CXADR: variants seen among roughly 807,000 people sequenced by gnomAD.
CXADR encodes coxsackievirus and adenovirus receptor.
In CXADR, 20 loss-of-function variants were observed where a neutral mutation model predicts 40.3. That is an observed-to-expected ratio of 0.50 (90% confidence interval 0.35 to 0.72). The LOEUF (loss-of-function observed/expected upper bound fraction) is 0.72. Ranked by LOEUF, CXADR falls within the 30% of genes least tolerant of loss-of-function variation. The probability of loss-of-function intolerance (pLI) is 0.01; values close to 1 mark genes in which losing one functional copy is unlikely to be tolerated. For missense variants in CXADR, 332 were observed against 449.1 expected, an observed-to-expected ratio of 0.74 and a Z score of 2.36; for synonymous variants, 150 against 161.3, an observed-to-expected ratio of 0.93 and a Z score of 0.53.
chr21:17,604,250 G>A, the CXADR span: 1 of 412,940 alleles, frequency 2.4e-6, no homozygotes, highest in Non-Finnish European at 4.1e-6. Context: ...AGAGCAGTCT[G>A]GCCAACATGG....
downstream of CXADR, among the ~76,000 whole-genome samples, chr21:17,596,878 T>C (rs1297047647): frequency 6.6e-6 from 1 of 152,116 alleles, no homozygotes; most frequent in African/African-American, 2.4e-5. Flanking sequence ...AATAATTCTT[T>C]ATCCCCTCTC....
intron 1 of CXADR, among the ~76,000 whole-genome samples, chr21:17,536,056 T>G (rs2060751124): frequency 6.6e-6 from 1 of 152,212 alleles, no homozygotes; most frequent in Admixed American, 6.5e-5. Context: ...TTCATTTTTT[T>G]GTTAATTTCT....
chr21:17,514,502 T>C (rs936195335), intron 1 of CXADR, among the ~76,000 whole-genome samples: 67 of 152,076 alleles, frequency 4.4e-4, no homozygotes, highest in East Asian at 3.9e-4. Context: ...TTCTTTCTTT[T>C]TTTTCTTTTT....
chr21:17,571,309 A>G (rs1415906522), downstream of CXADR, among the ~76,000 whole-genome samples: 1 of 152,244 alleles, frequency 6.6e-6, no homozygotes, highest in Admixed American at 6.5e-5. Flanking sequence ...GATAGAACTG[A>G]TATAATAATG....
intron 7 of CXADR, among the ~76,000 whole-genome samples, chr21:17,587,287 A>G (rs2061404365): frequency 6.6e-6 from 1 of 152,080 alleles, no homozygotes; most frequent in Non-Finnish European, 1.5e-5. Context: ...TGGTATTTCT[A>G]GTTCTAGATC....
At chr21:17,519,028 A>C (rs1481681799) in intron 1 of CXADR, 1 of 1,481,816 alleles carries the variant, frequency 6.7e-7, no homozygotes, top group South Asian at 1.1e-5. Context: ...AGGGTCCTCC[A>C]GCACCAGCAC....
In CXADR at chr21:17,555,363, C is replaced by A. The variant is rs570392716; in HGVS notation, c.415+3410C>A. On this transcript the variant is annotated intron_variant, in intron 3 of 6. Coordinates refer to ENST00000284878, the MANE Select transcript of CXADR (RefSeq NM_001338.5). ...AAACCATTGATACTGGGCACGGCCC[C>A]TCACTACTTTTTATTTTACAATAAT... Among the ~76,000 whole-genome samples, 6 of 152,298 alleles carry A rather than the reference C, an allele frequency of 3.9e-5. No homozygotes were observed. In the East Asian group the frequency reaches 1.2e-3, roughly 29 times the overall value.
chr21:17,583,502 T>C (rs1415005195), intron 7 of CXADR, among the ~76,000 whole-genome samples: 1 of 152,220 alleles, frequency 6.6e-6, no homozygotes, highest in African/African-American at 2.4e-5. Flanking sequence ...CCAACATATA[T>C]GTATAACTGT....
At chr21:17,626,451 G>A in the CXADR span, among the ~76,000 whole-genome samples, 2 of 152,126 alleles carry the variant, frequency 1.3e-5, no homozygotes, top group African/African-American at 2.4e-5. Flanking sequence ...GGGTAGATGG[G>A]AGACTTGGGA....
chr21:17,608,935 T>C, the CXADR span: 1 of 1,587,210 alleles, frequency 6.3e-7, no homozygotes, highest in South Asian at 1.2e-5. Flanking sequence ...ACCTCAGGGG[T>C]TGATCAGCCT....
intron 1 of CXADR, among the ~76,000 whole-genome samples, chr21:17,545,854 A>G (rs1427733153): frequency 6.7e-6 from 1 of 148,566 alleles, no homozygotes; most frequent in East Asian, 2.0e-4. Context: ...ATGTCGGCTC[A>G]CTGCAACCTC....
the CXADR span, among the ~76,000 whole-genome samples, chr21:17,615,124 C>G: frequency 6.6e-6 from 1 of 152,122 alleles, no homozygotes; most frequent in Admixed American, 6.6e-5. Context: ...AGGGTGGAAC[C>G]TTCATGAATG....
chr21:17,571,623 A>T (rs1351377034), downstream of CXADR, among the ~76,000 whole-genome samples: 1 of 152,220 alleles, frequency 6.6e-6, no homozygotes, highest in African/African-American at 2.4e-5. Flanking sequence ...TGAAAAAATC[A>T]AGAAGCTACT....
intron 1 of CXADR, among the ~76,000 whole-genome samples, chr21:17,515,377 G>A (rs2060446963): frequency 6.6e-6 from 1 of 152,096 alleles, no homozygotes; most frequent in Non-Finnish European, 1.5e-5. Flanking sequence ...GAGCCTGGGA[G>A]GTCTAAGCTC....
Position 17,559,031 on chromosome 21 carries a change from C to G in CXADR, c.471C>G (p.Asp157Glu). The change falls in exon 4 of 7, where the codon GAC becomes GAG. Residue 157 changes from aspartate to glutamate, a missense_variant. Physicochemically the swap from Asp to Glu is conservative, Grantham distance 45. Coordinates refer to ENST00000284878, the MANE Select transcript of CXADR (RefSeq NM_001338.5). The stretch of plus-strand genomic sequence containing the variant: ...ATGGATCTGAAGAAATTGGAAGTGA[C>G]TTTAAGATAAAATGTGAACCAAAAG... ...YVDGSEEIGS[D>E]FKIKCEPKEG... 1.2e-6 allele frequency: 2 copies of G among 1,614,004 alleles called. No homozygotes were observed. The highest frequency in any genetic ancestry group is 1.7e-6 in the Non-Finnish European group (2 of 1,179,940).
chr21:17,524,248 C>T (rs902371999), intron 1 of CXADR, among the ~76,000 whole-genome samples: 1 of 151,958 alleles, frequency 6.6e-6, no homozygotes, highest in African/African-American at 2.4e-5. Flanking sequence ...AACTTATTGC[C>T]TCACCCATTC....
intron 7 of CXADR, among the ~76,000 whole-genome samples, chr21:17,577,896 T>C (rs1490675094): frequency 6.6e-6 from 1 of 152,150 alleles, no homozygotes; most frequent in Non-Finnish European, 1.5e-5. Context: ...ATGCAATATT[T>C]GTCCTCCTGA....
At chr21:17,623,961 G>A in the CXADR span, among the ~76,000 whole-genome samples, 1 of 152,178 alleles carries the variant, frequency 6.6e-6, no homozygotes, top group Non-Finnish European at 1.5e-5. Context: ...AGTTCAAGCT[G>A]TTGCATGAAT....
At chr21:17,597,746 A>G (rs1161502088), downstream of CXADR, among the ~76,000 whole-genome samples, 1 of 152,100 alleles carries the variant, frequency 6.6e-6, no homozygotes, top group African/African-American at 2.4e-5. Flanking sequence ...TGAGAAAACC[A>G]AAAATTAAGT....
Sources: allele counts gnomAD v4.1 joint callset (sites outside exome capture counted in the v4.1 genomes callset), GRCh38; gene constraint gnomAD v4.1.1; transcripts MANE v1.5; gene names NCBI Gene and HGNC (gene_info 2026-07-23, HGNC 2026-07-21).